SRPK2: variants seen among roughly 807,000 people sequenced by gnomAD.
SRPK2 encodes SFRS protein kinase 2.
Under a neutral mutation model 90.8 loss-of-function variants are expected in SRPK2, and 21 were observed. The observed-to-expected ratio is 0.23, with a 90% CI of 0.16 to 0.33. SRPK2 has a LOEUF of 0.33. Ranked by LOEUF, SRPK2 falls within the 10% of genes least tolerant of loss-of-function variation. SRPK2 has a pLI of 1.00. For missense variants in SRPK2, 620 were observed against 869.0 expected (o/e 0.71, Z 3.60); for synonymous variants, 288 against 311.1 (o/e 0.93, Z 0.78).
chr7:105,373,536 G>C (rs1484084091), intron 2 of SRPK2, among the ~76,000 whole-genome samples: 1 of 151,072 alleles, frequency 6.6e-6, no homozygotes, highest in Non-Finnish European at 1.5e-5. Context: ...CCTATGAACT[G>C]GGATTACAGG....
chr7:105,268,753 G>T, intron 2 of SRPK2: 1 of 1,541,980 alleles, frequency 6.5e-7, no homozygotes, highest in Non-Finnish European at 8.9e-7. Context: ...GTCCTGGTTT[G>T]TTTCTTAGCA....
At chr7:105,242,315 C>T (rs1800919224) in intron 2 of SRPK2, among the ~76,000 whole-genome samples, 2 of 152,062 alleles carry the variant, frequency 1.3e-5, no homozygotes, top group South Asian at 4.2e-4. Context: ...AGCTCAAGGC[C>T]AGCCTCGCCA....
At chr7:105,396,675 A>G (rs1316069737) in intron 1 of SRPK2, among the ~76,000 whole-genome samples, 1 of 147,404 alleles carries the variant, frequency 6.8e-6, no homozygotes, top group African/African-American at 2.5e-5. Flanking sequence ...GAAGAAGAGG[A>G]AGAAGAATAG....
At chr7:105,190,715 C>T (rs1794177992) in intron 3 of SRPK2, among the ~76,000 whole-genome samples, 1 of 152,132 alleles carries the variant, frequency 6.6e-6, no homozygotes, top group Non-Finnish European at 1.5e-5. Flanking sequence ...CCTTGGAAGG[C>T]TCCAAGGACA....
At chr7:105,187,009 G>C (rs1793663811) in intron 3 of SRPK2, among the ~76,000 whole-genome samples, 1 of 152,222 alleles carries the variant, frequency 6.6e-6, no homozygotes, top group South Asian at 2.1e-4. Flanking sequence ...AGATGTCTCA[G>C]TTGAGGCCCC....
At chr7:105,320,031 A>C (rs1812768673) in intron 2 of SRPK2, among the ~76,000 whole-genome samples, 1 of 152,162 alleles carries the variant, frequency 6.6e-6, no homozygotes, top group African/African-American at 2.4e-5. Flanking sequence ...AAATAATAAC[A>C]TTCCAAATAA....
At chr7:105,394,605 A>G (rs1320011391) in intron 1 of SRPK2, among the ~76,000 whole-genome samples, 1 of 152,258 alleles carries the variant, frequency 6.6e-6, no homozygotes, top group Non-Finnish European at 1.5e-5. Flanking sequence ...AATAAGATAA[A>G]TATCCAATAA....
chr7:105,218,035 G>A (rs891455320), intron 2 of SRPK2, among the ~76,000 whole-genome samples: 2 of 152,154 alleles, frequency 1.3e-5, no homozygotes, highest in African/African-American at 2.4e-5. Context: ...AGAAAAAGGT[G>A]TCAATAGATC....
At chr7:105,318,223 T>C (rs1812526290) in intron 2 of SRPK2, among the ~76,000 whole-genome samples, 1 of 152,280 alleles carries the variant, frequency 6.6e-6, no homozygotes, top group South Asian at 2.1e-4. Flanking sequence ...GTCTCCAAAG[T>C]AGCTGGGATT....
In SRPK2 at chr7:105,247,531, A is replaced by AACACACACACACACACACAC. The variant is rs59040708; in HGVS notation, c.72-43766_72-43747dup. Among the ~76,000 whole-genome samples the AACACACACACACACACACAC allele has an allele frequency of 7.3e-3, 1,064 of 145,242 alleles. 7 individuals are homozygous for AACACACACACACACACACAC. The highest frequency in any genetic ancestry group is 0.013 in the Admixed American group (197 of 14,608). On this transcript the variant is annotated intron_variant, in intron 2 of 15. Coordinates refer to ENST00000393651, the MANE Select transcript of SRPK2 (RefSeq NM_182692.3). ...ATACCAAAAAACACACACACACATA[A>AACACACACACACACACACAC]ACACACACACACACACACACACACA...
intron 2 of SRPK2, among the ~76,000 whole-genome samples, chr7:105,380,434 C>A (rs1434420905): frequency 6.6e-6 from 1 of 151,888 alleles, no homozygotes; most frequent in African/African-American, 2.4e-5. Context: ...TATGCTAGGA[C>A]TCAATTTTTG....
intron 2 of SRPK2, chr7:105,244,849 A>G: frequency 7.9e-6 from 9 of 1,135,652 alleles, no homozygotes; most frequent in Non-Finnish European, 1.2e-5. Context: ...GTCTCCAAAG[A>G]CAAACGGGTC....
intron 2 of SRPK2, chr7:105,205,002 C>T (rs1796017110): frequency 3.9e-6 from 1 of 255,336 alleles, no homozygotes; most frequent in Non-Finnish European, 7.6e-6. Context: ...TCAAAGCTCA[C>T]TCTTCAGCCC....
At chr7:105,347,124 A>T (rs1164941131) in intron 2 of SRPK2, among the ~76,000 whole-genome samples, 1 of 151,124 alleles carries the variant, frequency 6.6e-6, no homozygotes, top group Non-Finnish European at 1.5e-5. Context: ...AGTGGGCATG[A>T]TCATGGCTCA....
At chr7:105,241,582 G>A (rs1188128651) in intron 2 of SRPK2, among the ~76,000 whole-genome samples, 2 of 152,130 alleles carry the variant, frequency 1.3e-5, no homozygotes, top group African/African-American at 4.8e-5. Flanking sequence ...AATGAGGTTA[G>A]GCAACTTTCC....
At chr7:105,182,737 G>C (rs1198514208) in intron 3 of SRPK2, among the ~76,000 whole-genome samples, 1 of 152,120 alleles carries the variant, frequency 6.6e-6, no homozygotes, top group African/African-American at 2.4e-5. Flanking sequence ...CAAAGTGCTG[G>C]GATTACAGGC....
At chr7:105,314,731 G>T (rs1178828898) in intron 2 of SRPK2, among the ~76,000 whole-genome samples, 1 of 152,202 alleles carries the variant, frequency 6.6e-6, no homozygotes, top group Non-Finnish European at 1.5e-5. Context: ...TGGAAATCTA[G>T]AAGTTAATGT....
At chr7:105,357,246 A>G (rs904452790) in intron 2 of SRPK2, among the ~76,000 whole-genome samples, 17 of 151,964 alleles carry the variant, frequency 1.1e-4, no homozygotes, top group Admixed American at 8.5e-4. Flanking sequence ...TCACTGTGTT[A>G]GCCAGGATGG....
At chr7:105,150,702 T>C (rs1391705980) in intron 7 of SRPK2, among the ~76,000 whole-genome samples, 3 of 152,152 alleles carry the variant, frequency 2.0e-5, no homozygotes, top group East Asian at 1.9e-4. Flanking sequence ...TGGAGTTCTA[T>C]ATCTGAACAA....
Sources: gnomAD v4.1 joint callset for allele counts (sites outside exome capture counted in the v4.1 genomes callset) on GRCh38, gnomAD v4.1.1 for gene constraint, MANE v1.5 for transcripts, NCBI Gene and HGNC (gene_info 2026-07-23, HGNC 2026-07-21) for gene names.